Variants in LNX1 observed in about 807,000 individuals in gnomAD.
LNX1 encodes ligand of numb-protein X 1.
A neutral mutation model predicts 68.4 loss-of-function variants in LNX1; 54 were observed. That is an observed-to-expected ratio of 0.79 (90% CI 0.63 to 0.99). The LOEUF is 0.99. Among genes scored for constraint, LNX1 ranks in the 50% least tolerant of loss-of-function variants. The pLI is 0.00. For synonymous variants in LNX1, 336 were observed against 350.0 expected (o/e 0.96, Z 0.45); for missense variants, 906 against 926.4 (o/e 0.98, Z 0.29).
At chr4:53,466,543 GC>G (rs2150560907) in intron 9 of LNX1, among the ~76,000 whole-genome samples, 1 of 152,276 alleles carries the variant, frequency 6.6e-6, no homozygotes, top group South Asian at 2.1e-4. Flanking sequence ...GCAAGGCGTC[GC>G]CTCACCCGGG....
intron 2 of LNX1, among the ~76,000 whole-genome samples, chr4:53,571,632 AC>A (rs536075361): frequency 9.5e-4 from 145 of 152,066 alleles, no homozygotes; most frequent in Non-Finnish European, 1.1e-3. Context: ...TGTACGTTAG[AC>A]CTCTGACCCT....
chr4:53,541,827 C>T (rs534897328), intron 2 of LNX1, among the ~76,000 whole-genome samples: 2 of 152,242 alleles, frequency 1.3e-5, no homozygotes, highest in African/African-American at 4.8e-5. Flanking sequence ...AATGTTTAAA[C>T]CCTGCAGTGC....
intron 2 of LNX1, among the ~76,000 whole-genome samples, chr4:53,529,950 C>G (rs543982680): frequency 1.4e-5 from 1 of 69,850 alleles, no homozygotes; most frequent in Non-Finnish European, 4.5e-5. Flanking sequence ...GCTACAGAGA[C>G]TAGAAAAAAT....
At chr4:53,584,788 T>G (rs1388699574) in intron 1 of LNX1, among the ~76,000 whole-genome samples, 1 of 152,252 alleles carries the variant, frequency 6.6e-6, no homozygotes, top group Non-Finnish European at 1.5e-5. Flanking sequence ...ACCTACCAGC[T>G]TCTATCTGAA....
intron 5 of LNX1, among the ~76,000 whole-genome samples, chr4:53,497,310 G>T (rs1332426376): frequency 6.6e-6 from 1 of 152,192 alleles, no homozygotes; most frequent in Non-Finnish European, 1.5e-5. Context: ...GAGGAAAGAG[G>T]CCCCATGGAG....
In LNX1 at chr4:53,578,686, AT is replaced by A. The variant is rs1560678181; in HGVS notation, c.-86-4599del. Among the ~76,000 whole-genome samples the A allele has an allele frequency of 2.0e-5, 3 of 152,262 alleles. No individual in the cohort carries two copies. The South Asian group carries it at 6.2e-4, about 32-fold the overall frequency. Reference sequence around the variant, plus strand: ...AATGGCAGATTTAGCTCCACCTCCAATTTTCTTTTATCTTTTCCCTTCCTTT... The same window carrying A: ...AATGGCAGATTTAGCTCCACCTCCAATTTCTTTTATCTTTTCCCTTCCTTT... On this transcript the variant is annotated intron_variant, in intron 1 of 10. Transcript: ENST00000263925.
At position 53,459,712 on chromosome 4, in the gene LNX1, A is replaced by AAAG. The variant is rs1318051902; in HGVS notation, c.*1192_*1194dup. 2 of 489,846 alleles carry AAAG rather than the reference A, an allele frequency of 4.1e-6. No individual in the cohort carries two copies. Among genetic ancestry groups the AAAG allele is most frequent in the African/African-American group, 1.9e-5 (1 of 51,738 alleles). The allele number at this position is 489,846 out of a possible 1,614,324, so 30.3% of individuals were successfully genotyped here. A position where few individuals can be genotyped will look rare whatever the true frequency, so the allele number is the denominator to read the frequency against. ...GAATGAGTCACTTAACAGGGAATCT[A>AAAG]AAGAGCTGTGTTAGCTGTGTACATA... On this transcript the variant is annotated 3_prime_UTR_variant, in exon 11 of 11. Coordinates refer to ENST00000263925, the MANE Select transcript of LNX1 (RefSeq NM_001126328.3).
chr4:53,639,138 G>T (rs368562142), intron 1 of LNX1, among the ~76,000 whole-genome samples: 1 of 152,168 alleles, frequency 6.6e-6, no homozygotes, highest in Non-Finnish European at 1.5e-5. Flanking sequence ...ACACCATGAA[G>T]TACTATGCAT....
At chr4:53,558,030 C>A in intron 2 of LNX1, 1 of 1,603,150 alleles carries the variant, frequency 6.2e-7, no homozygotes, top group Admixed American at 1.7e-5. Context: ...CCAAACCAGC[C>A]AAGCTCCTTT....
intron 2 of LNX1, chr4:53,557,722 G>A: frequency 1.3e-6 from 1 of 786,520 alleles, no homozygotes; most frequent in East Asian, 3.0e-5. Context: ...AGCTAAGCAT[G>A]CCGTTTTAAA....
At chr4:53,531,127 A>C (rs1394282021) in intron 2 of LNX1, among the ~76,000 whole-genome samples, 1 of 152,198 alleles carries the variant, frequency 6.6e-6, no homozygotes, top group Non-Finnish European at 1.5e-5. Flanking sequence ...ATACACACAC[A>C]GACACACTGC....
At chr4:53,557,879 T>C in intron 2 of LNX1, 2 of 1,613,316 alleles carry the variant, frequency 1.2e-6, no homozygotes, top group Non-Finnish European at 1.7e-6. Flanking sequence ...CTCACAGTTC[T>C]GAATACAGGA....
chr4:53,546,610 C>A (rs1258971107), intron 2 of LNX1, among the ~76,000 whole-genome samples: 1 of 152,092 alleles, frequency 6.6e-6, no homozygotes, highest in Non-Finnish European at 1.5e-5. Flanking sequence ...GCCTTAGTTT[C>A]TTCATCTATA....
intron 2 of LNX1, among the ~76,000 whole-genome samples, chr4:53,530,248 G>A (rs565309188): frequency 6.6e-5 from 10 of 151,894 alleles, no homozygotes; most frequent in African/African-American, 1.9e-4. Context: ...AGAAAGAATC[G>A]TAAGTAAAAA....
At position 53,552,706 on chromosome 4, in the gene LNX1, G is replaced by A. The variant is rs1239210246; in HGVS notation, c.380+20917C>T. Reference sequence around the variant, plus strand: ...TAGCCAGACGTAGTGGCAGGTGCCTGTAGTCCCAGCTACTCGGGAGGCTGA... The same window carrying A: ...TAGCCAGACGTAGTGGCAGGTGCCTATAGTCCCAGCTACTCGGGAGGCTGA... On this transcript the variant is annotated intron_variant, in intron 2 of 10. Coordinates refer to ENST00000263925, the MANE Select transcript of LNX1 (RefSeq NM_001126328.3). Among the ~76,000 whole-genome samples, 9 of 151,810 alleles carry A rather than the reference G, an allele frequency of 5.9e-5. No individual in the cohort carries two copies. The South Asian group carries it at 1.5e-3, about 25-fold the overall frequency.
upstream of LNX1, among the ~76,000 whole-genome samples, chr4:53,621,591 C>T (rs539134121): frequency 1.2e-4 from 18 of 152,284 alleles, no homozygotes; most frequent in Non-Finnish European, 1.5e-4. Context: ...TCCACTCTGT[C>T]GCACTCATAT....
chr4:53,465,890 C>G (rs1343413097), intron 9 of LNX1, among the ~76,000 whole-genome samples: 1 of 152,126 alleles, frequency 6.6e-6, no homozygotes, highest in Non-Finnish European at 1.5e-5. Context: ...CATTTTTAAT[C>G]TTACTAACTT....
intron 2 of LNX1, 63 bp from the exon 3 acceptor site, chr4:53,508,290 C>T (rs1441635937): frequency 1.3e-6 from 2 of 1,577,498 alleles, no homozygotes; most frequent in East Asian, 4.5e-5. Context: ...CCTCAGTCAG[C>T]CCTCTTCAAA....
chr4:53,461,095 G>A, intron 10 of LNX1, 53 bp from the exon 11 acceptor site: 3 of 1,440,080 alleles, frequency 2.1e-6, no homozygotes, highest in Non-Finnish European at 2.8e-6. Context: ...CGTTGCTGAA[G>A]TTAATGCAAG....
Sources: allele counts gnomAD v4.1 joint callset (sites outside exome capture counted in the v4.1 genomes callset), GRCh38; gene constraint gnomAD v4.1.1; transcripts MANE v1.5; gene names NCBI Gene and HGNC (gene_info 2026-07-23, HGNC 2026-07-21).